The following FGF12 variants were observed in gnomAD, a reference collection of about 807,000 sequenced individuals.
The protein encoded by FGF12 is fibroblast growth factor 12B.
FGF12 carries 14 observed loss-of-function variants against 23.6 expected under a neutral mutation model. The ratio of observed to expected loss-of-function variants is 0.59; its 90% CI spans 0.39 to 0.93. FGF12 has a LOEUF of 0.93. Among genes scored for constraint, FGF12 ranks in the 40% least tolerant of loss-of-function variants. FGF12 has a pLI of 0.00. For synonymous variants in FGF12, 62 were observed against 77.3 expected (o/e 0.80, Z 1.04); for missense variants, 175 against 217.8 (o/e 0.80, Z 1.24).
intron 4 of FGF12, among the ~76,000 whole-genome samples, chr3:192,203,757 C>G (rs116477717): frequency 1.3e-5 from 2 of 151,794 alleles, no homozygotes; most frequent in Non-Finnish European, 2.9e-5. Flanking sequence ...TTAGCTGTCA[C>G]GCCCACCTAA....
rs1032181691 is a variant in FGF12 at position 192,226,180 on chromosome 3, A to T, written c.229-55524T>A. ...GCCTCTCTTCATGCGTCCTATACCCAAGACTAAGTGAACCATTGCTCTTTT... is the reference window on the plus strand; with the variant it reads ...GCCTCTCTTCATGCGTCCTATACCCTAGACTAAGTGAACCATTGCTCTTTT... On this transcript the variant is annotated intron_variant, in intron 4 of 5. Transcript: ENST00000445105. 3.3e-5 allele frequency among the ~76,000 whole-genome samples: 5 copies of T among 152,278 alleles called. No homozygotes were observed. In the South Asian group the frequency reaches 1.0e-3, roughly 32 times the overall value.
At chr3:192,553,061 G>A (rs1335569078) in intron 2 of FGF12, among the ~76,000 whole-genome samples, 1 of 152,060 alleles carries the variant, frequency 6.6e-6, no homozygotes, top group Non-Finnish European at 1.5e-5. Context: ...TTTAATAAAT[G>A]CGTACTGAGA....
At chr3:192,167,712 T>G (rs575692378) in intron 5 of FGF12, among the ~76,000 whole-genome samples, 1 of 117,014 alleles carries the variant, frequency 8.5e-6, no homozygotes, top group Non-Finnish European at 1.7e-5. Context: ...GCAGCTAAAA[T>G]TAGGAGGGTA....
intron 2 of FGF12, among the ~76,000 whole-genome samples, chr3:192,709,859 T>C (rs895625104): frequency 6.6e-6 from 1 of 152,184 alleles, no homozygotes; most frequent in African/African-American, 2.4e-5. Context: ...TGAACACTGG[T>C]GTCTGTCTTC....
At chr3:192,378,075 T>TTTC (rs1560091786) in intron 2 of FGF12, among the ~76,000 whole-genome samples, 2 of 112,142 alleles carry the variant, frequency 1.8e-5, no homozygotes, top group Non-Finnish European at 3.4e-5. Context: ...TCTTTCTTTC[T>TTTC]TTCTTTCTTT....
intron 2 of FGF12, among the ~76,000 whole-genome samples, chr3:192,629,881 C>G (rs1306543674): frequency 6.6e-6 from 1 of 152,142 alleles, no homozygotes; most frequent in African/African-American, 2.4e-5. Flanking sequence ...AACACAAGAA[C>G]ACGTATTTTT....
At chr3:192,559,169 A>C (rs1040884575) in intron 2 of FGF12, among the ~76,000 whole-genome samples, 2 of 152,034 alleles carry the variant, frequency 1.3e-5, no homozygotes, top group African/African-American at 4.8e-5. Flanking sequence ...AACCTAAAGA[A>C]TGAGAAAAAA....
intron 2 of FGF12, among the ~76,000 whole-genome samples, chr3:192,599,113 G>T (rs1240195569): frequency 3.9e-5 from 6 of 151,980 alleles, no homozygotes; most frequent in African/African-American, 1.5e-4. Context: ...GCCTGTAGGG[G>T]GTGGGGGACT....
intron 2 of FGF12, among the ~76,000 whole-genome samples, chr3:192,456,132 A>G (rs1218795007): frequency 1.3e-5 from 2 of 152,254 alleles, no homozygotes; most frequent in African/African-American, 4.8e-5. Context: ...AAAACATGGT[A>G]ATGTCTATTA....
At chr3:192,247,895 G>A (rs1711732697) in intron 4 of FGF12, among the ~76,000 whole-genome samples, 1 of 152,140 alleles carries the variant, frequency 6.6e-6, no homozygotes, top group South Asian at 2.1e-4. Context: ...AAGCCAGATG[G>A]TGGATTAACA....
At chr3:192,709,874 A>G (rs1416634314) in intron 2 of FGF12, among the ~76,000 whole-genome samples, 1 of 152,168 alleles carries the variant, frequency 6.6e-6, no homozygotes, top group African/African-American at 2.4e-5. Flanking sequence ...GTCTTCCGTG[A>G]TAGCATGGAA....
chr3:192,628,618 T>A (rs1715270402), intron 2 of FGF12, among the ~76,000 whole-genome samples: 1 of 150,528 alleles, frequency 6.6e-6, no homozygotes, highest in Non-Finnish European at 1.5e-5. Context: ...TGGAGGACAC[T>A]GTGAGCCTGT....
chr3:192,412,990 T>C (rs1160242487), intron 2 of FGF12, among the ~76,000 whole-genome samples: 2 of 152,206 alleles, frequency 1.3e-5, no homozygotes, highest in African/African-American at 4.8e-5. Flanking sequence ...GAAGAAGTTT[T>C]AATTACTTTG....
chr3:192,372,885 A>G (rs1198166792), intron 2 of FGF12, among the ~76,000 whole-genome samples: 1 of 151,438 alleles, frequency 6.6e-6, no homozygotes, highest in Non-Finnish European at 1.5e-5. Context: ...ATCTTAATTG[A>G]CTCTCTCCCT....
At chr3:192,611,575 G>T (rs552975057) in intron 2 of FGF12, among the ~76,000 whole-genome samples, 172 of 152,122 alleles carry the variant, frequency 1.1e-3, no homozygotes, top group Middle Eastern at 3.4e-3. Flanking sequence ...TCTGAACACA[G>T]CTTCATAATA....
intron 2 of FGF12, among the ~76,000 whole-genome samples, chr3:192,637,284 G>A (rs1715618161): frequency 1.3e-5 from 2 of 152,102 alleles, no homozygotes; most frequent in Non-Finnish European, 2.9e-5. Context: ...CGTGCAGGCC[G>A]CCTGGCATTT....
intron 2 of FGF12, among the ~76,000 whole-genome samples, chr3:192,634,793 G>T (rs150013693): frequency 9.9e-5 from 15 of 152,210 alleles, no homozygotes; most frequent in Non-Finnish European, 1.8e-4. Flanking sequence ...TATTTAAGAA[G>T]AAAATAACTG....
rs145344048 is a variant in FGF12 at position 192,597,624 on chromosome 3, G to A, written c.13+129557C>T. On this transcript the variant is annotated intron_variant, in intron 2 of 5. Transcript: ENST00000445105. ...ATAATTATAGTCTGCATAGAACTGG[G>A]AACAAATGGAAAGAGTGGCTGTGTT... 4.2e-3 allele frequency among the ~76,000 whole-genome samples: 640 copies of A among 152,288 alleles called. 9 individuals are homozygous for A. Among genetic ancestry groups the A allele is most frequent in the Admixed American group, 0.014 (218 of 15,288 alleles).
chr3:192,408,466 CG>C lies in FGF12; in HGVS notation c.14-47929del. On this transcript the variant is annotated intron_variant, in intron 2 of 5. Coordinates refer to ENST00000445105, the MANE Select transcript of FGF12 (RefSeq NM_004113.6). The surrounding 1 kb of genome is among the most constrained non-coding windows in gnomAD (Gnocchi z 7.3). ...TCCCCAACCTCTGGCGGCCGGGGGGCGGGGCGGGGCGGTCCCAGGCCCTCTT... is the reference window on the plus strand; with the variant it reads ...TCCCCAACCTCTGGCGGCCGGGGGGCGGGCGGGGCGGTCCCAGGCCCTCTT... 1 of 1,344,354 alleles carries C rather than the reference CG, an allele frequency of 7.4e-7. No homozygotes were observed. The highest frequency in any genetic ancestry group is 9.5e-7 in the Non-Finnish European group (1 of 1,051,654). 83.3% of individuals were successfully genotyped at this position (1,344,354 alleles called of 1,614,324 possible). A position where few individuals can be genotyped will look rare whatever the true frequency, so the allele number is the denominator to read the frequency against.
Sources: gnomAD v4.1 joint callset for allele counts (sites outside exome capture counted in the v4.1 genomes callset) on GRCh38, gnomAD v4.1.1 for gene constraint, Gnocchi (gnomAD v3.1) non-coding constraint, MANE v1.5 for transcripts, NCBI Gene and HGNC (gene_info 2026-07-23, HGNC 2026-07-21) for gene names.